SORCS1: variants seen among roughly 807,000 people sequenced by gnomAD.
SORCS1 encodes VPS10 domain-containing receptor SorCS1.
SORCS1 carries 60 observed loss-of-function variants against 146.1 expected under a neutral mutation model. The ratio of observed to expected loss-of-function variants is 0.41; its 90% CI spans 0.33 to 0.51. The LOEUF is 0.51. Ranked by LOEUF, SORCS1 falls within the 20% of genes least tolerant of loss-of-function variation. The pLI is 0.21. For missense variants in SORCS1, 1,352 were observed against 1,487.6 expected (o/e 0.91, Z 1.50); for synonymous variants, 637 against 584.0 (o/e 1.09, Z -1.31).
chr10:107,044,885 A>T (rs2134012017), intron 1 of SORCS1, among the ~76,000 whole-genome samples: 1 of 151,980 alleles, frequency 6.6e-6, no homozygotes, highest in African/African-American at 2.4e-5. Flanking sequence ...TGCATCAGAT[A>T]GATGGAAAGG....
At chr10:106,815,893 C>G (rs1043417456) in intron 3 of SORCS1, among the ~76,000 whole-genome samples, 4 of 152,174 alleles carry the variant, frequency 2.6e-5, no homozygotes, top group Non-Finnish European at 5.9e-5. Flanking sequence ...CAAGAAGAGG[C>G]CAGTTCTTTC....
At chr10:106,843,616 T>C (rs903221591) in intron 2 of SORCS1, among the ~76,000 whole-genome samples, 3 of 152,014 alleles carry the variant, frequency 2.0e-5, no homozygotes, top group Admixed American at 1.3e-4. Context: ...TTTGTATTTT[T>C]AGTAGAGACG....
intron 16 of SORCS1, 45 bp from the exon 17 acceptor site, chr10:106,667,847 T>C (rs1851284450): frequency 2.8e-6 from 4 of 1,448,938 alleles, no homozygotes. Flanking sequence ...GGTGGCAAAA[T>C]TACTGAAAAC....
chr10:106,652,230 TAAAAG>T lies in SORCS1; in HGVS notation c.2475+147_2475+151del, dbSNP rs556240891. 1.3e-5 allele frequency: 9 copies of T among 714,922 alleles called. No homozygotes were observed. In the South Asian group the frequency reaches 2.7e-4, roughly 22 times the overall value. 44.3% of individuals were successfully genotyped at this position (714,922 alleles called of 1,614,324 possible). A position where few individuals can be genotyped will look rare whatever the true frequency, so the allele number is the denominator to read the frequency against. ...TAGATCAGGGAAGGTGAAGTGATAA[TAAAAG>T]AAAAACAAGGAACTAAAAGTAAAAT... On this transcript the variant is annotated intron_variant, in intron 18 of 25. Transcript: ENST00000263054.
chr10:106,666,332 C>T (rs1325674131), intron 17 of SORCS1, among the ~76,000 whole-genome samples: 1 of 152,210 alleles, frequency 6.6e-6, no homozygotes, highest in East Asian at 1.9e-4. Flanking sequence ...TCTTTTCCTG[C>T]CTTCGGTCTT....
intron 4 of SORCS1, among the ~76,000 whole-genome samples, chr10:106,763,293 C>A (rs957377654): frequency 5.3e-5 from 8 of 152,088 alleles, no homozygotes. Flanking sequence ...TGGGCGCCAG[C>A]GTTTGTGGTT....
chr10:106,878,646 A>ATATATATATATATATT (rs1200849744), intron 2 of SORCS1, among the ~76,000 whole-genome samples: 8,218 of 117,208 alleles, frequency 0.07, 841 homozygotes, highest in Non-Finnish European at 0.11. Flanking sequence ...ATATATATAT[A>ATATATATATATATATT]TATTTTATAG....
chr10:106,607,260 A>C lies in SORCS1; in HGVS notation c.3071T>G (p.Val1024Gly). 1 of 1,614,104 alleles carries C rather than the reference A, an allele frequency of 6.2e-7. No homozygotes were observed. Among genetic ancestry groups the C allele is most frequent in the Non-Finnish European group, 8.5e-7 (1 of 1,179,980 alleles). Residue 1024 changes from valine (V) to glycine (G), a missense_variant, in exon 23 of 26, where the codon GTG becomes GGG. Physicochemically the swap from Val to Gly is moderately radical, Grantham distance 109. Coordinates refer to ENST00000263054, the MANE Select transcript of SORCS1 (RefSeq NM_052918.5). Reference sequence around the variant, plus strand: ...AGCAGTGGTGGGTAAGCCAGGGAGCACCGCCACCAGGATGTGCTGGCCTGG... The same window carrying C: ...AGCAGTGGTGGGTAAGCCAGGGAGCCCCGCCACCAGGATGTGCTGGCCTGG... ...GVPGQHILVAVLPGLPTTAEL... is the reference protein window; with the variant it reads ...GVPGQHILVAGLPGLPTTAEL...
intron 1 of SORCS1, among the ~76,000 whole-genome samples, chr10:107,076,456 A>C (rs1262095146): frequency 6.6e-6 from 1 of 152,198 alleles, no homozygotes. Context: ...CTGTATGCAC[A>C]ATACACCAGC....
chr10:106,857,645 T>A (rs1007698856), intron 2 of SORCS1, among the ~76,000 whole-genome samples: 16 of 152,204 alleles, frequency 1.1e-4, no homozygotes, highest in African/African-American at 3.9e-4. Context: ...GCAGTGAGAA[T>A]AATTTAGGGT....
intron 3 of SORCS1, among the ~76,000 whole-genome samples, chr10:106,826,085 C>G (rs537127317): frequency 5.9e-5 from 9 of 152,188 alleles, no homozygotes; most frequent in Non-Finnish European, 1.3e-4. Context: ...GACTCTGATC[C>G]CCGGTAGTAC....
chr10:106,770,531 C>G (rs1450817356), intron 4 of SORCS1, among the ~76,000 whole-genome samples: 1 of 151,046 alleles, frequency 6.6e-6, no homozygotes, highest in Non-Finnish European at 1.5e-5. Context: ...AAAGAGAGAC[C>G]CATGAACAAA....
chr10:107,163,940 C>T lies in SORCS1; in HGVS notation c.558+29G>A, dbSNP rs754498239. ...ACTTTAACCCTTTCCATCTTTCCAC[C>T]CCTTTACCCTCAGTCCCATTCTACT... On this transcript the variant is annotated intron_variant, in intron 1 of 25. Coordinates refer to ENST00000263054, the MANE Select transcript of SORCS1 (RefSeq NM_052918.5). 26 of 1,589,548 alleles carry T rather than the reference C, an allele frequency of 1.6e-5. No homozygotes were observed. In the Admixed American group the frequency reaches 2.4e-4, roughly 15 times the overall value.
chr10:106,651,637 T>C (rs766219322), intron 18 of SORCS1, among the ~76,000 whole-genome samples: 1 of 152,164 alleles, frequency 6.6e-6, no homozygotes, highest in East Asian at 1.9e-4. Context: ...ATGATAACCA[T>C]AATTAGGTAC....
At chr10:107,130,709 C>T (rs1966857632) in intron 1 of SORCS1, among the ~76,000 whole-genome samples, 1 of 151,984 alleles carries the variant, frequency 6.6e-6, no homozygotes, top group African/African-American at 2.4e-5. Flanking sequence ...GACTCTGGAC[C>T]CCAGAGCTCC....
chr10:106,830,758 T>C (rs989273600), intron 2 of SORCS1, among the ~76,000 whole-genome samples: 2 of 151,948 alleles, frequency 1.3e-5, no homozygotes, highest in African/African-American at 2.4e-5. Context: ...TAGCCTGGCC[T>C]GATGGCACAT....
At chr10:106,616,065 A>G (rs1044242295) in intron 21 of SORCS1, among the ~76,000 whole-genome samples, 2 of 152,226 alleles carry the variant, frequency 1.3e-5, no homozygotes, top group Non-Finnish European at 2.9e-5. Context: ...GTCAATTACT[A>G]TCACCACCAC....
At chr10:107,173,242 G>A in the SORCS1 span, among the ~76,000 whole-genome samples, 1 of 152,184 alleles carries the variant, frequency 6.6e-6, no homozygotes, top group African/African-American at 2.4e-5. Context: ...GTTAAATGAA[G>A]AGATGTAGGT....
At chr10:107,034,692 A>AC (rs1958814258) in intron 1 of SORCS1, among the ~76,000 whole-genome samples, 1 of 142,040 alleles carries the variant, frequency 7.0e-6, no homozygotes, top group African/African-American at 2.5e-5. Flanking sequence ...AAAAAAAAAA[A>AC]AAAAAAAAAA....
Sources: gnomAD v4.1 joint callset for allele counts (sites outside exome capture counted in the v4.1 genomes callset) on GRCh38, gnomAD v4.1.1 for gene constraint, MANE v1.5 for transcripts, NCBI Gene and HGNC (gene_info 2026-07-23, HGNC 2026-07-21) for gene names.